The following KIAA0586 variants were observed in gnomAD, a reference collection of about 807,000 sequenced individuals.
KIAA0586 encodes KIAA0586.
KIAA0586 carries 144 observed loss-of-function variants against 169.8 expected under a neutral mutation model. The observed-to-expected ratio is 0.85, with a 90% CI of 0.74 to 0.97. The LOEUF (loss-of-function observed/expected upper bound fraction) is 0.97. KIAA0586 is among the 50% of genes least tolerant of loss of function. The probability of loss-of-function intolerance (pLI) is 0.00; values close to 1 mark genes in which losing one functional copy is unlikely to be tolerated. For missense variants in KIAA0586, 1,854 were observed against 1,823.0 expected, an observed-to-expected ratio of 1.02 and a Z score of -0.31; for synonymous variants, 625 against 612.4, an observed-to-expected ratio of 1.02 and a Z score of -0.30.
chr14:58,499,711 A>G (rs2043421593), intron 27 of KIAA0586, among the ~76,000 whole-genome samples: 1 of 151,812 alleles, frequency 6.6e-6, no homozygotes, highest in South Asian at 2.1e-4. Context: ...GGCGCCTGCC[A>G]CCATGCCCAG....
At chr14:58,512,395 G>A (rs1346031122) in intron 28 of KIAA0586, 127 bp from the exon 29 acceptor site, 2 of 546,862 alleles carry the variant, frequency 3.7e-6, no homozygotes, top group African/African-American at 2.0e-5. Context: ...TAAATAAAAA[G>A]CAATAAAAAG....
Position 58,457,975 on chromosome 14 carries a change from A to C in KIAA0586, c.1579A>C (p.Asn527His). 6.3e-7 allele frequency: 1 copy of C among 1,577,108 alleles called. No homozygotes were observed. Among genetic ancestry groups the C allele is most frequent in the Non-Finnish European group, 8.6e-7 (1 of 1,158,274 alleles). Residue 527 changes from asparagine (N) to histidine (H), a missense_variant, in exon 11 of 31, where the codon AAC becomes CAC. Physicochemically the swap from Asn to His is moderately conservative, Grantham distance 68. Transcript: ENST00000652326. ...MYSLINALST[N>H]REMSEKIRIR... ...TTCGCTTATCAATGCTTTATCTACCAACAGGTAAGAGGATGTTGGCATCCA... is the reference window on the plus strand; with the variant it reads ...TTCGCTTATCAATGCTTTATCTACCCACAGGTAAGAGGATGTTGGCATCCA...
At chr14:58,498,662 G>A (rs1230957076) in intron 26 of KIAA0586, 121 bp from the exon 27 acceptor site, 1 of 733,052 alleles carries the variant, frequency 1.4e-6, no homozygotes. Context: ...TGGCATAGAA[G>A]GCAGTTTGTA....
At chr14:58,487,622 T>G (rs1245029698) in intron 22 of KIAA0586, among the ~76,000 whole-genome samples, 1 of 151,586 alleles carries the variant, frequency 6.6e-6, no homozygotes, top group Non-Finnish European at 1.5e-5. Context: ...AAAAAAAAAG[T>G]ATACAATTGA....
intron 26 of KIAA0586, among the ~76,000 whole-genome samples, chr14:58,493,875 A>C (rs2042983895): frequency 6.6e-6 from 1 of 152,144 alleles, no homozygotes; most frequent in African/African-American, 2.4e-5. Context: ...GGTGGAAAGG[A>C]GAGAGAAAGA....
chr14:58,452,660 A>T (rs1264045352), intron 8 of KIAA0586, among the ~76,000 whole-genome samples: 1 of 152,176 alleles, frequency 6.6e-6, no homozygotes, highest in Non-Finnish European at 1.5e-5. Context: ...AAATAAATGT[A>T]GGGGTTTTTC....
chr14:58,461,220 A>G, intron 14 of KIAA0586, 60 bp downstream of exon 14: 1 of 1,227,318 alleles, frequency 8.1e-7, no homozygotes, highest in Non-Finnish European at 1.1e-6. Flanking sequence ...TTTAATATGT[A>G]AAGTTTCTTT....
chr14:58,492,437 CAGAA>C (rs1318526322), intron 26 of KIAA0586, among the ~76,000 whole-genome samples, 162 bp downstream of exon 26: 3 of 152,134 alleles, frequency 2.0e-5, no homozygotes, highest in African/African-American at 7.2e-5. Flanking sequence ...AGTTTTATAA[CAGAA>C]AGGAATTTAG....
chr14:58,453,042 C>T (rs2039529924), intron 8 of KIAA0586, among the ~76,000 whole-genome samples: 2 of 151,990 alleles, frequency 1.3e-5, no homozygotes, highest in South Asian at 2.1e-4. Context: ...CTCAGCCTCC[C>T]AAGCAGCTGA....
At chr14:58,520,533 TG>T (rs2045134095) in intron 29 of KIAA0586, among the ~76,000 whole-genome samples, 1 of 152,036 alleles carries the variant, frequency 6.6e-6, no homozygotes, top group African/African-American at 2.4e-5. Flanking sequence ...TTGTTGTTGT[TG>T]TTGTTGAGAC....
chr14:58,477,046 G>A, intron 19 of KIAA0586, 77 bp from the exon 20 acceptor site: 2 of 705,704 alleles, frequency 2.8e-6, no homozygotes. Context: ...TATTTTTAGG[G>A]GTGGTATGTC....
intron 17 of KIAA0586, 87 bp downstream of exon 17, chr14:58,470,810 A>AATG: frequency 3.1e-6 from 2 of 653,372 alleles, no homozygotes; most frequent in Admixed American, 2.8e-5. Flanking sequence ...CTTTTATCAT[A>AATG]ATGATAACTT....
At chr14:58,495,291 T>C (rs1022743471) in intron 26 of KIAA0586, among the ~76,000 whole-genome samples, 6 of 152,034 alleles carry the variant, frequency 3.9e-5, no homozygotes, top group Non-Finnish European at 7.4e-5. Context: ...TGTGTGTGTG[T>C]GTATATATAT....
intron 14 of KIAA0586, among the ~76,000 whole-genome samples, chr14:58,461,825 T>A (rs2040345758): frequency 6.6e-6 from 1 of 152,228 alleles, no homozygotes; most frequent in Non-Finnish European, 1.5e-5. Context: ...GGTGAAAACT[T>A]TTTTGTTGCT....
chr14:58,457,641 A>G, intron 10 of KIAA0586, 118 bp from the exon 11 acceptor site: 1 of 621,670 alleles, frequency 1.6e-6, no homozygotes, highest in Non-Finnish European at 2.7e-6. Context: ...CAGTTTGACA[A>G]ATTGAGTCCT....
At chr14:58,547,650 A>C in intron 30 of KIAA0586, 131 bp from the exon 31 acceptor site, 1 of 767,616 alleles carries the variant, frequency 1.3e-6, no homozygotes, top group Non-Finnish European at 2.1e-6. Flanking sequence ...GGGACAAGAG[A>C]GTCCCTTGTA....
chr14:58,439,436 C>T (rs2140494877), intron 4 of KIAA0586, among the ~76,000 whole-genome samples: 1 of 152,300 alleles, frequency 6.6e-6, no homozygotes, highest in South Asian at 2.1e-4. Context: ...ATCCGCCCGC[C>T]TCAGCCTCCC....
chr14:58,515,159 C>A (rs1019692366), intron 29 of KIAA0586, among the ~76,000 whole-genome samples: 2 of 150,466 alleles, frequency 1.3e-5, no homozygotes, highest in African/African-American at 2.4e-5. Flanking sequence ...TGGTAAAATG[C>A]TGTAATAGAT....
chr14:58,479,972 T>C (rs927519612), intron 20 of KIAA0586, among the ~76,000 whole-genome samples: 1 of 152,190 alleles, frequency 6.6e-6, no homozygotes, highest in African/African-American at 2.4e-5. Flanking sequence ...TTTCTAACTT[T>C]GTTCTTTTTT....
Sources: gnomAD v4.1 joint callset for allele counts (sites outside exome capture counted in the v4.1 genomes callset) on GRCh38, gnomAD v4.1.1 for gene constraint, MANE v1.5 for transcripts, NCBI Gene and HGNC (gene_info 2026-07-23, HGNC 2026-07-21) for gene names.